Variants in LOXL2 observed in about 807,000 individuals in gnomAD.
LOXL2 encodes lysyl oxidase homolog 2.
Under a neutral mutation model 93.0 loss-of-function variants are expected in LOXL2, and 70 were observed. That is an observed-to-expected ratio of 0.75 (90% CI 0.62 to 0.92). The LOEUF is 0.92. Ranked by LOEUF, LOXL2 falls within the 40% of genes least tolerant of loss-of-function variation. LOXL2 has a pLI of 0.00. For synonymous variants in LOXL2, 438 were observed against 413.2 expected (o/e 1.06, Z -0.73); for missense variants, 973 against 1,054.9 (o/e 0.92, Z 1.08).
intron 5 of LOXL2, 144 bp from the exon 6 acceptor site, chr8:23,328,709 ATGTGTGTGTGTG>A (rs60768341): frequency 1.8e-4 from 84 of 460,442 alleles, no homozygotes; most frequent in East Asian, 1.5e-3. Context: ...TGATGTATGG[ATGTGTGTGTGTG>A]TGTGTGTGTG....
intron 1 of LOXL2, among the ~76,000 whole-genome samples, chr8:23,385,405 C>T (rs1304467850): frequency 4.7e-5 from 6 of 128,140 alleles, no homozygotes; most frequent in Non-Finnish European, 9.7e-5. Context: ...CACCACCACA[C>T]CCAGCTAATT....
chr8:23,304,315 T>G (rs1025005741), intron 10 of LOXL2, among the ~76,000 whole-genome samples: 1 of 152,240 alleles, frequency 6.6e-6, no homozygotes, highest in African/African-American at 2.4e-5. Context: ...ATAGCCCTTG[T>G]TTCAGAATAA....
intron 1 of LOXL2, chr8:23,382,348 T>G (rs1054740432): frequency 6.6e-6 from 1 of 151,956 alleles, no homozygotes; most frequent in African/African-American, 2.4e-5. Context: ...AAACCCCACC[T>G]CTACTAAAAT....
intron 3 of LOXL2, among the ~76,000 whole-genome samples, chr8:23,347,926 T>C (rs1804020720): frequency 6.6e-6 from 1 of 152,194 alleles, no homozygotes; most frequent in Non-Finnish European, 1.5e-5. Context: ...GCAGCACTAT[T>C]CACAATAGCA....
In LOXL2 at chr8:23,371,751, CAAAAAAAAAAAAAAAA is replaced by C. The variant is rs55780832; in HGVS notation, c.-83-3333_-83-3318del. On this transcript the variant is annotated intron_variant, in intron 1 of 13. Coordinates refer to ENST00000389131, the MANE Select transcript of LOXL2 (RefSeq NM_002318.3). ...TGGGCGAAAGAGTGAGAGTCTGTCT[CAAAAAAAAAAAAAAAA>C]AAAAAAAAAAAAAAAAAATGCATGG... 9.6e-4 allele frequency among the ~76,000 whole-genome samples: 42 copies of C among 43,906 alleles called. 1 individual carries two copies. The East Asian group carries it at 0.011, about 12-fold the overall frequency. The allele number at this position is 43,906 out of a possible 152,430, so 28.8% of individuals were successfully genotyped here. A position where few individuals can be genotyped will look rare whatever the true frequency, so the allele number is the denominator to read the frequency against.
chr8:23,310,177 G>A (rs1321158111), intron 9 of LOXL2, among the ~76,000 whole-genome samples: 1 of 152,212 alleles, frequency 6.6e-6, no homozygotes, highest in Admixed American at 6.5e-5. Flanking sequence ...GGCTACGAGC[G>A]AAGCACAGAT....
chr8:23,309,939 A>C, intron 9 of LOXL2, 28 bp from the exon 10 acceptor site: 2 of 1,439,644 alleles, frequency 1.4e-6, no homozygotes, highest in South Asian at 3.1e-5. Context: ...CTGGTCAACA[A>C]GGCAAGAGAC....
rs142734346 is a variant in LOXL2, at chr8:23,368,060, G to A, written c.292C>T (p.Arg98Trp). 2.0e-5 allele frequency: 32 copies of A among 1,613,878 alleles called. No individual in the cohort carries two copies. Among genetic ancestry groups the A allele is most frequent in the African/African-American group, 9.3e-5 (7 of 74,942 alleles). Reference sequence around the variant, plus strand: ...TTGGCCTCCACGTAGCCCAGCTCCCGGCAGACGACGTGGGCAGCGTGGATG... The same window carrying A: ...TTGGCCTCCACGTAGCCCAGCTCCCAGCAGACGACGTGGGCAGCGTGGATG... ...FSIHAAHVVC[R>W]ELGYVEAKSW... Residue 98 changes from arginine to tryptophan, a missense_variant, in exon 2 of 14, where the codon CGG becomes TGG. Transcript: ENST00000389131.
In LOXL2 at chr8:23,296,931, GATT is replaced by G. The variant is rs1402079203; in HGVS notation, c.*1109_*1111del. On this transcript the variant is annotated 3_prime_UTR_variant, in exon 14 of 14. Transcript: ENST00000389131. Reference sequence around the variant, plus strand: ...GTAAAAACCACAGGAGTTCAAGAAAGATTATGACTCCTGTTCCGTTACTTTTTG... The same window carrying G: ...GTAAAAACCACAGGAGTTCAAGAAAGATGACTCCTGTTCCGTTACTTTTTG... 6.6e-6 allele frequency among the ~76,000 whole-genome samples: 1 copy of G among 152,210 alleles called. No homozygotes were observed. The highest frequency in any genetic ancestry group is 1.5e-5 in the Non-Finnish European group (1 of 68,026).
intron 4 of LOXL2, among the ~76,000 whole-genome samples, chr8:23,338,447 G>A (rs1803831569): frequency 6.6e-6 from 1 of 152,154 alleles, no homozygotes. Flanking sequence ...GGGGGCCCTC[G>A]GGGGTTAAGC....
chr8:23,309,737 T>C lies in LOXL2; in HGVS notation c.1811A>G (p.His604Arg), dbSNP rs756382492. 8 of 1,597,066 alleles carry C rather than the reference T, an allele frequency of 5.0e-6. No individual in the cohort carries two copies. The African/African-American group carries it at 8.1e-5, about 16-fold the overall frequency. Residue 604 changes from histidine (H) to arginine (R), a missense_variant, in exon 10 of 14, where the codon CAC (histidine) becomes CGC (arginine). Coordinates refer to ENST00000389131, the MANE Select transcript of LOXL2 (RefSeq NM_002318.3). ...RRLLRFSSQI[H>R]NNGQSDFRPK... is the part of the protein sequence containing the mutation. ...CCGGAAGTCGGACTGGCCATTGTTGTGGATCTGGGAGGAGAAGCGCAGGAG... is the reference window on the plus strand; with the variant it reads ...CCGGAAGTCGGACTGGCCATTGTTGCGGATCTGGGAGGAGAAGCGCAGGAG...
chr8:23,319,423 C>CT (rs111639110), intron 8 of LOXL2, among the ~76,000 whole-genome samples: 15,944 of 152,148 alleles, frequency 0.1, 1,907 homozygotes, highest in African/African-American at 0.3. Context: ...ATGCATTAGG[C>CT]ACAGATGCCA....
chr8:23,391,007 C>A (rs1477556698), intron 1 of LOXL2, among the ~76,000 whole-genome samples: 1 of 151,978 alleles, frequency 6.6e-6, no homozygotes, highest in Non-Finnish European at 1.5e-5. Flanking sequence ...AATATGAGAG[C>A]CAAGCGAAAG....
intron 1 of LOXL2, among the ~76,000 whole-genome samples, chr8:23,395,317 CA>C (rs111889384): frequency 0.29 from 23,830 of 81,962 alleles, 2,039 homozygotes; most frequent in Middle Eastern, 0.36. Context: ...AAAGCCAGAC[CA>C]AAAAAAAAAA....
At chr8:23,384,681 A>G (rs746419870) in intron 1 of LOXL2, among the ~76,000 whole-genome samples, 3 of 152,166 alleles carry the variant, frequency 2.0e-5, no homozygotes, top group Non-Finnish European at 2.9e-5. Flanking sequence ...TTGAAGGCCG[A>G]GGCGGGCGGA....
rs1359643547 is a variant in LOXL2 at position 23,367,894 on chromosome 8, A to T, written c.355+103T>A. On this transcript the variant is annotated intron_variant, in intron 2 of 13. Transcript: ENST00000389131. ...TGGATGGGCATCACCAAGAATTTAC[A>T]CTTCGCAGTGCGTGCAGCCTCCTCT... 7 of 902,430 alleles carry T rather than the reference A, an allele frequency of 7.8e-6. No homozygotes were observed. In the Admixed American group the frequency reaches 1.4e-4, roughly 18 times the overall value. 55.9% of individuals were successfully genotyped at this position (902,430 alleles called of 1,614,324 possible).
At chr8:23,395,317 CAAAAAAA>C (rs111889384) in intron 1 of LOXL2, among the ~76,000 whole-genome samples, 1 of 82,056 alleles carries the variant, frequency 1.2e-5, no homozygotes, top group African/African-American at 4.4e-5. Flanking sequence ...AAAGCCAGAC[CAAAAAAA>C]AAAAAAAAAA....
intron 1 of LOXL2, among the ~76,000 whole-genome samples, chr8:23,387,305 CG>C (rs1423461335): frequency 3.3e-5 from 5 of 152,282 alleles, no homozygotes; most frequent in Non-Finnish European, 7.3e-5. Flanking sequence ...ACTGTGTCCT[CG>C]GGGGGTATCA....
intron 9 of LOXL2, among the ~76,000 whole-genome samples, chr8:23,315,523 A>T (rs985241085): frequency 2.6e-5 from 4 of 152,150 alleles, no homozygotes; most frequent in South Asian, 2.1e-4. Context: ...TGAGGATCTG[A>T]CGGCATGGCT....
Sources: allele counts gnomAD v4.1 joint callset (sites outside exome capture counted in the v4.1 genomes callset), GRCh38; gene constraint gnomAD v4.1.1; transcripts MANE v1.5; gene names NCBI Gene and HGNC (gene_info 2026-07-23, HGNC 2026-07-21).